SLC1A1: variants seen among roughly 807,000 people sequenced by gnomAD.
The protein encoded by SLC1A1 is solute carrier family 1 member 1.
Under a neutral mutation model 53.3 loss-of-function variants are expected in SLC1A1, and 43 were observed. The ratio of observed to expected loss-of-function variants is 0.81; its 90% CI spans 0.63 to 1.04. The LOEUF (loss-of-function observed/expected upper bound fraction) is 1.04. Among genes scored for constraint, SLC1A1 ranks in the 50% least tolerant of loss-of-function variants. SLC1A1 has a pLI of 0.00. For missense variants in SLC1A1, 748 were observed against 664.9 expected, an observed-to-expected ratio of 1.12 and a Z score of -1.37; for synonymous variants, 307 against 243.2, an observed-to-expected ratio of 1.26 and a Z score of -2.44.
At chr9:4,493,796 C>G (rs961464870) in intron 1 of SLC1A1, among the ~76,000 whole-genome samples, 7 of 152,080 alleles carry the variant, frequency 4.6e-5, no homozygotes, top group African/African-American at 1.7e-4. Context: ...TTCAGTAGCC[C>G]TAATACTTTG....
At chr9:4,505,582 C>T (rs778125168) in intron 1 of SLC1A1, among the ~76,000 whole-genome samples, 8 of 152,280 alleles carry the variant, frequency 5.3e-5, no homozygotes, top group Non-Finnish European at 8.8e-5. Flanking sequence ...ATTGGCTCTA[C>T]GTGCAAAAGA....
intron 1 of SLC1A1, among the ~76,000 whole-genome samples, chr9:4,536,284 C>A (rs1816669506): frequency 1.3e-5 from 2 of 151,888 alleles, no homozygotes; most frequent in South Asian, 4.2e-4. Context: ...AAAACTTTTG[C>A]AATCTACTCA....
chr9:4,505,250 T>C (rs148125765), intron 1 of SLC1A1, among the ~76,000 whole-genome samples: 5,111 of 152,138 alleles, frequency 0.034, 138 homozygotes, highest in South Asian at 0.058. Context: ...GGTTTCACCA[T>C]GTTGGCCAGG....
At chr9:4,557,942 T>G (rs1818576221) in intron 2 of SLC1A1, among the ~76,000 whole-genome samples, 1 of 152,168 alleles carries the variant, frequency 6.6e-6, no homozygotes, top group South Asian at 2.1e-4. Flanking sequence ...GAGCTATAGT[T>G]TTGTCCTCTG....
rs1300077368 is a variant in SLC1A1 at position 4,585,741 on chromosome 9, T to A, written c.*183T>A. The A allele has an allele frequency of 1.4e-5, 10 of 718,884 alleles. No individual in the cohort carries two copies. In the East Asian group the frequency reaches 2.7e-4, roughly 20 times the overall value. The allele number at this position is 718,884 out of a possible 1,614,324, so 44.5% of individuals were successfully genotyped here. The stretch of plus-strand genomic sequence containing the variant: ...TGCGCTCTGGGTTTTGGGATTTGGG[T>A]GTGGGGTAAGTTGAAGGGAAATCAA... On this transcript the variant is annotated 3_prime_UTR_variant, in exon 12 of 12. Coordinates refer to ENST00000262352, the MANE Select transcript of SLC1A1 (RefSeq NM_004170.6).
chr9:4,545,020 A>G (rs1464361511), intron 2 of SLC1A1, among the ~76,000 whole-genome samples: 1 of 152,106 alleles, frequency 6.6e-6, no homozygotes, highest in Non-Finnish European at 1.5e-5. Flanking sequence ...TGATTCAATT[A>G]CCTCCACCTG....
chr9:4,519,989 C>G (rs17812372), intron 1 of SLC1A1, among the ~76,000 whole-genome samples: 9,189 of 152,258 alleles, frequency 0.06, 357 homozygotes, highest in Non-Finnish European at 0.084. Context: ...TCACACTGTT[C>G]TCAAAATAAT....
chr9:4,559,634 C>T (rs1197278848), intron 2 of SLC1A1, among the ~76,000 whole-genome samples: 1 of 152,158 alleles, frequency 6.6e-6, no homozygotes, highest in Non-Finnish European at 1.5e-5. Context: ...TACTGCCTTT[C>T]CCTTGGGGTT....
chr9:4,580,592 A>T lies in SLC1A1; in HGVS notation c.1194-2446A>T, dbSNP rs542577673. ...TGAGACCTTGTCTCTGGAAAAAAAA[A>T]AAATATATATGTGTGTGTGTGTGTG... On this transcript the variant is annotated intron_variant, in intron 10 of 11. Coordinates refer to ENST00000262352, the MANE Select transcript of SLC1A1 (RefSeq NM_004170.6). Among the ~76,000 whole-genome samples the T allele has an allele frequency of 7.2e-3, 572 of 79,238 alleles. 1 individual carries two copies. Among genetic ancestry groups the T allele is most frequent in the Non-Finnish European group, 7.6e-3 (322 of 42,550 alleles). The allele number at this position is 79,238 out of a possible 152,430, so 52.0% of individuals were successfully genotyped here.
chr9:4,506,247 A>G (rs753856475), intron 1 of SLC1A1, among the ~76,000 whole-genome samples: 2 of 152,226 alleles, frequency 1.3e-5, no homozygotes, highest in Non-Finnish European at 2.9e-5. Flanking sequence ...ATGAGCCATC[A>G]TGCCCGGCCA....
At chr9:4,527,973 T>G (rs574118428) in intron 1 of SLC1A1, among the ~76,000 whole-genome samples, 2 of 152,262 alleles carry the variant, frequency 1.3e-5, no homozygotes, top group Non-Finnish European at 2.9e-5. Context: ...ACCCACCTCT[T>G]GTTACTCAGC....
In SLC1A1 at chr9:4,567,781, T is replaced by G. The variant is rs1437776790; in HGVS notation, c.582+14T>G. Reference sequence around the variant, plus strand: ...GCAATTTCCAAGGTACCATTCTTATTTCCTGTTCCTCTTCCCCAGGAGACA... The same window carrying G: ...GCAATTTCCAAGGTACCATTCTTATGTCCTGTTCCTCTTCCCCAGGAGACA... On this transcript the variant is annotated intron_variant, in intron 6 of 11. Coordinates refer to ENST00000262352, the MANE Select transcript of SLC1A1 (RefSeq NM_004170.6). The G allele has an allele frequency of 6.7e-7, 1 of 1,485,580 alleles. No individual in the cohort carries two copies. The highest frequency in any genetic ancestry group is 9.4e-7 in the Non-Finnish European group (1 of 1,063,784). The allele number at this position is 1,485,580 out of a possible 1,614,324, so 92.0% of individuals were successfully genotyped here. A position where few individuals can be genotyped will look rare whatever the true frequency, so the allele number is the denominator to read the frequency against.
At chr9:4,517,851 G>A (rs1180341969) in intron 1 of SLC1A1, among the ~76,000 whole-genome samples, 1 of 152,022 alleles carries the variant, frequency 6.6e-6, no homozygotes, top group East Asian at 1.9e-4. Flanking sequence ...CCTCACTTCT[G>A]CCCTGATCCC....
At chr9:4,585,166 A>T in intron 11 of SLC1A1, 146 bp from the exon 12 acceptor site, 1 of 1,016,976 alleles carries the variant, frequency 9.8e-7, no homozygotes, top group Non-Finnish European at 1.5e-6. Context: ...CAGGCCTGTG[A>T]GGAGCCTTCA....
Position 4,573,910 on chromosome 9 carries a change from T to C in SLC1A1, c.771T>C (p.Tyr257=). 3 of 1,603,046 alleles carry C rather than the reference T, an allele frequency of 1.9e-6. No individual in the cohort carries two copies. The highest frequency in any genetic ancestry group is 1.1e-5 in the South Asian group (1 of 90,880). The part of the protein sequence containing the change: ...TMKIVQIIMC[Y]MPLGILFLIA... ...CTCTGTTGTGCTTCCTTTCCAGTTA[T>C]ATGCCACTAGGTATTTTGTTCCTGA... Residue 257 remains tyrosine, a synonymous_variant, in exon 8 of 12, where the codon TAT becomes TAC. Transcript: ENST00000262352.
intron 2 of SLC1A1, among the ~76,000 whole-genome samples, chr9:4,555,314 T>G (rs1371617291): frequency 6.6e-6 from 1 of 152,190 alleles, no homozygotes; most frequent in Non-Finnish European, 1.5e-5. Flanking sequence ...AATAAGGGGT[T>G]GAATTTTGAT....
chr9:4,542,496 A>T (rs1276782669), intron 1 of SLC1A1, among the ~76,000 whole-genome samples: 1 of 152,252 alleles, frequency 6.6e-6, no homozygotes, highest in East Asian at 1.9e-4. Context: ...AGATTGGGGC[A>T]CATGGGTTTC....
chr9:4,545,904 G>A (rs1232776070), intron 2 of SLC1A1, among the ~76,000 whole-genome samples: 1 of 152,220 alleles, frequency 6.6e-6, no homozygotes, highest in African/African-American at 2.4e-5. Context: ...TTAGTAAAAT[G>A]TGGCATGACA....
Position 4,490,526 on chromosome 9 carries a change from C to CAACGGCGGT in SLC1A1, c.-153_-145dup. ...GGTGCGCGATCCCGGGTGGCGGCGG[C>CAACGGCGGT]AACGGCGGTGGTGACGGCGGCGACT... is the stretch of plus-strand genomic sequence containing the variant. On this transcript the variant is annotated 5_prime_UTR_variant, in exon 1 of 12. Coordinates refer to ENST00000262352, the MANE Select transcript of SLC1A1 (RefSeq NM_004170.6). 2.3e-6 allele frequency: 1 copy of CAACGGCGGT among 443,308 alleles called. No individual in the cohort carries two copies. The highest frequency in any genetic ancestry group is 3.9e-6 in the Non-Finnish European group (1 of 255,230). The allele number at this position is 443,308 out of a possible 1,614,324, so 27.5% of individuals were successfully genotyped here. A position where few individuals can be genotyped will look rare whatever the true frequency, so the allele number is the denominator to read the frequency against.
Sources: gnomAD v4.1 joint callset for allele counts (sites outside exome capture counted in the v4.1 genomes callset) on GRCh38, gnomAD v4.1.1 for gene constraint, MANE v1.5 for transcripts, NCBI Gene and HGNC (gene_info 2026-07-23, HGNC 2026-07-21) for gene names.